Variants in VWA8 observed in about 807,000 individuals in gnomAD.
The protein encoded by VWA8 is von Willebrand factor A domain containing 8, also known as von Willebrand factor A domain-containing protein 8.
VWA8 carries 221 observed loss-of-function variants against 241.5 expected under a neutral mutation model. That is an observed-to-expected ratio of 0.91 (90% CI 0.82 to 1.02). The LOEUF is 1.02. VWA8 is among the 50% of genes least tolerant of loss of function. The probability of loss-of-function intolerance (pLI) is 0.00; values close to 1 mark genes in which losing one functional copy is unlikely to be tolerated. For synonymous variants in VWA8, 852 were observed against 827.1 expected, an observed-to-expected ratio of 1.03 and a Z score of -0.52; for missense variants, 2,322 against 2,328.7, an observed-to-expected ratio of 1.00 and a Z score of 0.06.
chr13:41,664,389 ATGTGTGTG>A (rs3073033), intron 37 of VWA8, among the ~76,000 whole-genome samples: 171 of 137,962 alleles, frequency 1.2e-3, no homozygotes, highest in Non-Finnish European at 1.5e-3. Context: ...ACATGCTTTG[ATGTGTGTG>A]TGTGTGTGTG....
rs1267763748 is a variant in VWA8, at chr13:41,708,458, G to A, written c.3117-5047C>T. Among the ~76,000 whole-genome samples the A allele has an allele frequency of 2.6e-5, 4 of 152,046 alleles. No individual in the cohort carries two copies. In the South Asian group the frequency reaches 8.3e-4, roughly 32 times the overall value. ...TACATACTTGAAATTAGTAACAATG[G>A]ATACCATTATTAATTCCCAGTAATA... is the stretch of plus-strand genomic sequence containing the variant. On this transcript the variant is annotated intron_variant, in intron 26 of 44. Coordinates refer to ENST00000379310, the MANE Select transcript of VWA8 (RefSeq NM_015058.2).
At chr13:41,864,526 A>C (rs911497166) in intron 12 of VWA8, 1 of 396,142 alleles carries the variant, frequency 2.5e-6, no homozygotes, top group Non-Finnish European at 4.9e-6. Context: ...TGATATATGC[A>C]ACAACATGGA....
intron 37 of VWA8, among the ~76,000 whole-genome samples, chr13:41,665,645 T>C (rs2044981079): frequency 6.6e-6 from 1 of 152,104 alleles, no homozygotes; most frequent in African/African-American, 2.4e-5. Flanking sequence ...TCTAGAGTCA[T>C]TGACTGTCAA....
intron 24 of VWA8, among the ~76,000 whole-genome samples, chr13:41,726,919 C>T (rs1017166375): frequency 4.6e-5 from 7 of 151,852 alleles, no homozygotes; most frequent in African/African-American, 7.3e-5. Flanking sequence ...CGCTTGAACC[C>T]GGGTGGCGGA....
intron 43 of VWA8, among the ~76,000 whole-genome samples, chr13:41,572,813 A>G (rs1377714486): frequency 4.0e-5 from 6 of 149,398 alleles, no homozygotes; most frequent in Non-Finnish European, 6.0e-5. Context: ...AAAAAAAAAA[A>G]AAAAAAAAGA....
chr13:41,691,776 G>A (rs2045179550), intron 31 of VWA8, 98 bp downstream of exon 31: 2 of 972,456 alleles, frequency 2.1e-6, no homozygotes, highest in Non-Finnish European at 3.1e-6. Flanking sequence ...TCATAATTTG[G>A]TTACATTCAC....
At chr13:41,745,287 G>C (rs553716192) in intron 21 of VWA8, among the ~76,000 whole-genome samples, 43 of 151,750 alleles carry the variant, frequency 2.8e-4, no homozygotes, top group African/African-American at 1.0e-3. Flanking sequence ...TATCCCTCCC[G>C]CATCCCCCCA....
chr13:41,853,215 G>A (rs961477746), intron 12 of VWA8, among the ~76,000 whole-genome samples: 1 of 152,156 alleles, frequency 6.6e-6, no homozygotes, highest in East Asian at 1.9e-4. Flanking sequence ...ACTTGTTCCA[G>A]ATCTTAGAGG....
chr13:41,882,591 T>A (rs1874292448), intron 9 of VWA8, among the ~76,000 whole-genome samples: 2 of 152,230 alleles, frequency 1.3e-5, no homozygotes, highest in African/African-American at 4.8e-5. Context: ...CACTCGCGGT[T>A]AGGAGCTGGA....
chr13:41,600,430 G>A (rs2044513818), intron 40 of VWA8, among the ~76,000 whole-genome samples: 1 of 152,064 alleles, frequency 6.6e-6, no homozygotes, highest in African/African-American at 2.4e-5. Context: ...GCACTTTGCT[G>A]CTCTCCTGTG....
At chr13:41,754,507 C>T (rs9594626) in intron 21 of VWA8, among the ~76,000 whole-genome samples, 39,160 of 151,936 alleles carry the variant, frequency 0.26, 5,901 homozygotes, top group Non-Finnish European at 0.33. Context: ...ATGGTGTACA[C>T]GAGATATTTT....
At chr13:41,727,474 G>C (rs1032303363) in intron 23 of VWA8, among the ~76,000 whole-genome samples, 161 bp from the exon 24 acceptor site, 2 of 152,062 alleles carry the variant, frequency 1.3e-5, no homozygotes, top group Non-Finnish European at 2.9e-5. Context: ...AAACTTTCTT[G>C]AAAAAATTTG....
In VWA8 at chr13:41,829,822, A is replaced by G. The variant is rs939228211; in HGVS notation, c.1700+707T>C. Among the ~76,000 whole-genome samples, 17 of 152,288 alleles carry G rather than the reference A, an allele frequency of 1.1e-4. No homozygotes were observed. In the East Asian group the frequency reaches 3.1e-3, roughly 28 times the overall value. On this transcript the variant is annotated intron_variant, in intron 14 of 44. Coordinates refer to ENST00000379310, the MANE Select transcript of VWA8 (RefSeq NM_015058.2). ...GGGGGGCGGTGAGGGATAAAAGACT[A>G]CATATCAGGTACACTGCTCAGGTGA...
chr13:41,825,661 C>T (rs1426822402), intron 14 of VWA8, among the ~76,000 whole-genome samples: 3 of 152,126 alleles, frequency 2.0e-5, no homozygotes, highest in Admixed American at 2.0e-4. Flanking sequence ...TTCTCTCTCT[C>T]AAAATCTTCC....
At chr13:41,687,705 T>C (rs1566415245) in intron 34 of VWA8, among the ~76,000 whole-genome samples, 1 of 152,170 alleles carries the variant, frequency 6.6e-6, no homozygotes, top group Non-Finnish European at 1.5e-5. Context: ...AGCAGCACAC[T>C]GCCTATTCTG....
rs545210508 is a variant in VWA8 at position 41,597,184 on chromosome 13, G to A, written c.4987-6419C>T. Among the ~76,000 whole-genome samples, 57 of 152,092 alleles carry A rather than the reference G, an allele frequency of 3.7e-4. 2 individuals are homozygous for A. Among genetic ancestry groups the A allele is most frequent in the Non-Finnish European group, 5.9e-5 (4 of 67,948 alleles). Reference sequence around the variant, plus strand: ...ATGTTAGAGGGTACCTGTGAACAGCGATTCTCTTATTAAACATTAGCTCCC... The same window carrying A: ...ATGTTAGAGGGTACCTGTGAACAGCAATTCTCTTATTAAACATTAGCTCCC... On this transcript the variant is annotated intron_variant, in intron 40 of 44. Coordinates refer to ENST00000379310, the MANE Select transcript of VWA8 (RefSeq NM_015058.2).
intron 43 of VWA8, 117 bp from the exon 44 acceptor site, chr13:41,570,823 G>C (rs1648784563): frequency 1.2e-6 from 1 of 803,658 alleles, no homozygotes; most frequent in Admixed American, 2.6e-5. Context: ...CCCATGAGTA[G>C]TACATTCTAA....
chr13:41,772,446 AC>A (rs1170378594), intron 20 of VWA8, among the ~76,000 whole-genome samples: 2 of 104,526 alleles, frequency 1.9e-5, no homozygotes, highest in East Asian at 3.1e-4. Flanking sequence ...TGACAAAAAA[AC>A]AAAACAAAAC....
At chr13:41,659,953 T>C (rs2044937504) in intron 37 of VWA8, among the ~76,000 whole-genome samples, 1 of 152,224 alleles carries the variant, frequency 6.6e-6, no homozygotes, top group South Asian at 2.1e-4. Flanking sequence ...GAGGTTTCTC[T>C]ACTTTTCTCC....
Sources: gnomAD v4.1 joint callset for allele counts (sites outside exome capture counted in the v4.1 genomes callset) on GRCh38, gnomAD v4.1.1 for gene constraint, MANE v1.5 for transcripts, NCBI Gene and HGNC (gene_info 2026-07-23, HGNC 2026-07-21) for gene names.